GKN2: variants seen among roughly 807,000 people sequenced by gnomAD.
GKN2 encodes the protein gastrokine-2.
Under a neutral mutation model 22.7 loss-of-function variants are expected in GKN2, and 17 were observed. The ratio of observed to expected loss-of-function variants is 0.75; its 90% CI spans 0.51 to 1.13. GKN2 has a LOEUF of 1.13. Among genes scored for constraint, GKN2 ranks in the 50% most tolerant of loss-of-function variants. The pLI is 0.00. For synonymous variants in GKN2, 82 were observed against 79.6 expected, an observed-to-expected ratio of 1.03 and a Z score of -0.16; for missense variants, 248 against 221.4, an observed-to-expected ratio of 1.12 and a Z score of -0.76.
At chr2:68,950,825 G>A (rs1669844243) in intron 1 of GKN2, 70 bp from the exon 2 acceptor site, 1 of 1,467,338 alleles carries the variant, frequency 6.8e-7, no homozygotes, top group Admixed American at 1.7e-5. Context: ...AGGAAACACT[G>A]GACAGGAAAG....
intron 1 of GKN2, among the ~76,000 whole-genome samples, chr2:68,951,196 G>C (rs1326131966): frequency 6.6e-6 from 1 of 152,062 alleles, no homozygotes; most frequent in Admixed American, 6.6e-5. Context: ...AATCCCTTAA[G>C]ACTGAGAGGG....
In GKN2 at chr2:68,947,251, T is replaced by C. The variant is rs773087461; in HGVS notation, c.211A>G (p.Ile71Val). Residue 71 changes from isoleucine (I) to valine (V), a missense_variant, in exon 4 of 6, where the codon ATT (isoleucine) becomes GTT (valine). Physicochemically the swap from Ile to Val is conservative, Grantham distance 29. Coordinates refer to ENST00000328895, the MANE Select transcript of GKN2 (RefSeq NM_182536.3). ...TTIFDYKHGY[I>V]ASRVLSRRAC... is the part of the protein sequence containing the mutation. ...CTTCGGGAGAGCACCCTGGATGCAATGTAGCCCTGAGGCAGCAAGAGTACA... is the reference window on the plus strand; with the variant it reads ...CTTCGGGAGAGCACCCTGGATGCAACGTAGCCCTGAGGCAGCAAGAGTACA... 1.1e-4 allele frequency: 179 copies of C among 1,609,394 alleles called. No individual in the cohort carries two copies. Among genetic ancestry groups the C allele is most frequent in the Admixed American group, 5.0e-5 (3 of 60,002 alleles).
chr2:68,947,176 T>G lies in GKN2; in HGVS notation c.286A>C (p.Asn96His). Residue 96 changes from asparagine to histidine, a missense_variant, in exon 4 of 6, where the codon AAT becomes CAT. By Grantham distance (68) the Asn-to-His change is moderately conservative. Coordinates refer to ENST00000328895, the MANE Select transcript of GKN2 (RefSeq NM_182536.3). Reference protein sequence around the residue: ...MDHQNIPPLNNLQWYIYEKQA... With the variant: ...MDHQNIPPLNHLQWYIYEKQA... ...TTCTCATAGATGTACCATTGGAGATTGTTCAGAGGAGGGATGTTCTGATGG... is the reference window on the plus strand; with the variant it reads ...TTCTCATAGATGTACCATTGGAGATGGTTCAGAGGAGGGATGTTCTGATGG... 6.2e-7 allele frequency: 1 copy of G among 1,613,182 alleles called. No homozygotes were observed. Among genetic ancestry groups the G allele is most frequent in the Non-Finnish European group, 8.5e-7 (1 of 1,179,148 alleles).
At chr2:68,950,516 C>T (rs1669840506) in intron 2 of GKN2, among the ~76,000 whole-genome samples, 186 bp downstream of exon 2, 1 of 152,204 alleles carries the variant, frequency 6.6e-6, no homozygotes, top group Non-Finnish European at 1.5e-5. Context: ...AAAGCAATGG[C>T]TTACATTTGC....
intron 3 of GKN2, among the ~76,000 whole-genome samples, chr2:68,949,317 C>A (rs1669819556): frequency 6.6e-6 from 1 of 152,136 alleles, no homozygotes; most frequent in Non-Finnish European, 1.5e-5. Flanking sequence ...GATTTTTTGC[C>A]TACCCTATGT....
chr2:68,947,138 C>A lies in GKN2; in HGVS notation c.315+9G>T. The A allele has an allele frequency of 6.4e-7, 1 of 1,551,614 alleles. No individual in the cohort carries two copies. The highest frequency in any genetic ancestry group is 1.1e-5 in the South Asian group (1 of 89,920). On this transcript the variant is annotated intron_variant, in intron 4 of 5. Transcript: ENST00000328895. The stretch of plus-strand genomic sequence containing the variant: ...GAACAGAGAATACTCAAGAGTGCCC[C>A]AGAATTACCTGTTTCTCATAGATGT...
rs776987806 is a variant in GKN2 at position 68,945,330 on chromosome 2, T to C, written c.*38A>G. ...GACTTTTGAGTGTAAACCAAGGATGTATTTCTTTGAAAAGATAAAACAAGA... is the reference window on the plus strand; with the variant it reads ...GACTTTTGAGTGTAAACCAAGGATGCATTTCTTTGAAAAGATAAAACAAGA... On this transcript the variant is annotated 3_prime_UTR_variant, in exon 6 of 6. Coordinates refer to ENST00000328895, the MANE Select transcript of GKN2 (RefSeq NM_182536.3). The C allele has an allele frequency of 3.5e-6, 5 of 1,410,800 alleles. No homozygotes were observed. The highest frequency in any genetic ancestry group is 2.8e-5 in the African/African-American group (2 of 70,820). 87.4% of individuals were successfully genotyped at this position (1,410,800 alleles called of 1,614,324 possible).
chr2:68,947,270 G>A lies in GKN2; in HGVS notation c.205-13C>T. 2 of 1,545,602 alleles carry A rather than the reference G, an allele frequency of 1.3e-6. No individual in the cohort carries two copies. Among genetic ancestry groups the A allele is most frequent in the Non-Finnish European group, 1.8e-6 (2 of 1,117,462 alleles). ...ATGCAATGTAGCCCTGAGGCAGCAA[G>A]AGTACAGTTACTGTTCCTCCCTAGT... On this transcript the variant is annotated splice_polypyrimidine_tract_variant and intron_variant, in intron 3 of 5. Transcript: ENST00000328895.
chr2:68,948,412 T>C (rs1365157914), intron 3 of GKN2, among the ~76,000 whole-genome samples: 1 of 152,150 alleles, frequency 6.6e-6, no homozygotes, highest in Non-Finnish European at 1.5e-5. Context: ...TATTGGAAAT[T>C]CAAATCTAGA....
intron 4 of GKN2, 73 bp from the exon 5 acceptor site, chr2:68,946,533 G>A: frequency 7.8e-7 from 1 of 1,283,816 alleles, no homozygotes; most frequent in South Asian, 1.8e-5. Flanking sequence ...TCTAAATTGT[G>A]ACAATTTTTC....
intron 3 of GKN2, 128 bp from the exon 4 acceptor site, chr2:68,947,385 C>T (rs1276071782): frequency 4.8e-6 from 3 of 628,454 alleles, no homozygotes; most frequent in Non-Finnish European, 5.8e-6. Flanking sequence ...GATTGCTCTC[C>T]AATCTGCAAT....
In GKN2 at chr2:68,946,395, G is replaced by C; in HGVS notation, c.381C>G (p.Ile127Met). 6.2e-7 allele frequency: 1 copy of C among 1,613,912 alleles called. No homozygotes were observed. The highest frequency in any genetic ancestry group is 8.5e-7 in the Non-Finnish European group (1 of 1,179,892). The change falls in exon 5 of 6, where the codon ATC becomes ATG. Residue 127 changes from isoleucine to methionine, a missense_variant. Transcript: ENST00000328895. ...CAAGCAGGAACCAATCCACGTCTTT[G>C]ATCAGAGACTCCAGAGGGTTGTACT... Reference protein sequence around the residue: ...WVKYNPLESLIKDVDWFLLGS... With the variant: ...WVKYNPLESLMKDVDWFLLGS...
intron 5 of GKN2, 22 bp from the exon 6 acceptor site, chr2:68,945,472 A>G: frequency 1.3e-6 from 2 of 1,533,724 alleles, no homozygotes; most frequent in South Asian, 2.3e-5. Context: ...AAAATTTTTC[A>G]GAGAAAGAGC....
chr2:68,951,530 T>A (rs1311888366), intron 1 of GKN2, among the ~76,000 whole-genome samples: 1 of 152,242 alleles, frequency 6.6e-6, no homozygotes, highest in Non-Finnish European at 1.5e-5. Flanking sequence ...TTGACTGCAC[T>A]GTCATTTGAA....
chr2:68,947,081 T>G (rs1669781714), intron 4 of GKN2, 66 bp downstream of exon 4: 1 of 953,776 alleles, frequency 1.0e-6, no homozygotes, highest in East Asian at 2.4e-5. Flanking sequence ...CACTCTTCAT[T>G]TCTCCATAAA....
chr2:68,949,709 T>A (rs538885602), intron 3 of GKN2, among the ~76,000 whole-genome samples: 1 of 152,174 alleles, frequency 6.6e-6, no homozygotes, highest in East Asian at 1.9e-4. Context: ...CATGAGCCAC[T>A]GTGCCTGACC....
chr2:68,945,750 G>A (rs554432467), intron 5 of GKN2: 11 of 258,106 alleles, frequency 4.3e-5, no homozygotes, highest in South Asian at 9.5e-5. Flanking sequence ...CAGTTGGCCC[G>A]ACCTCTTTCA....
At position 68,946,348 on chromosome 2, in the gene GKN2, C is replaced by G. The variant is rs948357442; in HGVS notation, c.428G>C (p.Cys143Ser). Residue 143 changes from cysteine to serine, a missense_variant, in exon 5 of 6, where the codon TGC becomes TCC. By Grantham distance (112) the Cys-to-Ser change is moderately radical. Transcript: ENST00000328895. ...CCCCTTATACAAAGGGATATGTTTG[C>G]AGAGTTTCTCAATGGGTGACCCAAG... ...FLLGSPIEKL[C>S]KHIPLYKGEV... 1.2e-6 allele frequency: 2 copies of G among 1,613,772 alleles called. No individual in the cohort carries two copies. Among genetic ancestry groups the G allele is most frequent in the East Asian group, 4.5e-5 (2 of 44,878 alleles).
chr2:68,948,229 G>C (rs1669799722), intron 3 of GKN2, among the ~76,000 whole-genome samples: 1 of 136,168 alleles, frequency 7.3e-6, no homozygotes, highest in Non-Finnish European at 1.5e-5. Context: ...CTGGGTGACA[G>C]AGCGAGACTC....
Sources: allele counts gnomAD v4.1 joint callset (sites outside exome capture counted in the v4.1 genomes callset), GRCh38; gene constraint gnomAD v4.1.1; transcripts MANE v1.5; gene names NCBI Gene and HGNC (gene_info 2026-07-23, HGNC 2026-07-21).